Variants in KANK1 observed in about 807,000 individuals in gnomAD.
KANK1 encodes KN motif and ankyrin repeat domain-containing protein 1.
In KANK1, 109 loss-of-function variants were observed where a neutral mutation model predicts 106.2. The observed-to-expected ratio is 1.03, with a 90% confidence interval of 0.88 to 1.20. The LOEUF is 1.20. KANK1 is among the 50% of genes most tolerant of loss of function. KANK1 has a pLI of 0.00. For missense variants in KANK1, 2,399 were observed against 1,710.7 expected (o/e 1.40, Z -7.10); for synonymous variants, 873 against 652.2 (o/e 1.34, Z -5.16).
At chr9:644,147 C>A (rs1310008229) in intron 1 of KANK1, among the ~76,000 whole-genome samples, 1 of 150,962 alleles carries the variant, frequency 6.6e-6, no homozygotes, top group Non-Finnish European at 1.5e-5. Flanking sequence ...ATGCTAGTCG[C>A]CAGTCTTCTT....
chr9:523,555 C>CTTTTT (rs2059645471), intron 1 of KANK1, among the ~76,000 whole-genome samples: 1 of 151,740 alleles, frequency 6.6e-6, no homozygotes, highest in Non-Finnish European at 1.5e-5. Flanking sequence ...AAAGTTTTTA[C>CTTTTT]AGTGAACTCC....
At chr9:632,166 A>C (rs1835896181) in intron 1 of KANK1, among the ~76,000 whole-genome samples, 1 of 152,220 alleles carries the variant, frequency 6.6e-6, no homozygotes, top group Admixed American at 6.5e-5. Flanking sequence ...AGTGGCAGTG[A>C]ACTTCTTTTG....
At chr9:536,792 C>T (rs1452641123) in intron 1 of KANK1, among the ~76,000 whole-genome samples, 1 of 152,096 alleles carries the variant, frequency 6.6e-6, no homozygotes, top group African/African-American at 2.4e-5. Context: ...AAGTTGGGCA[C>T]CTTTGGGGGG....
At position 745,382 on chromosome 9, in the gene KANK1, C is replaced by T. The variant is rs989151126; in HGVS notation, c.*147C>T. 2.0e-6 allele frequency: 2 copies of T among 985,552 alleles called. No individual in the cohort carries two copies. Among genetic ancestry groups the T allele is most frequent in the African/African-American group, 1.6e-5 (1 of 62,338 alleles). The allele number at this position is 985,552 out of a possible 1,614,324, so 61.1% of individuals were successfully genotyped here. A position where few individuals can be genotyped will look rare whatever the true frequency, so the allele number is the denominator to read the frequency against. Reference sequence around the variant, plus strand: ...GCCCAGGGGTAAAGGCTGAAGCTTTCACAGTGCAGAGACTGCTAGCCTGGG... The same window carrying T: ...GCCCAGGGGTAAAGGCTGAAGCTTTTACAGTGCAGAGACTGCTAGCCTGGG... On this transcript the variant is annotated 3_prime_UTR_variant, in exon 12 of 12. Transcript: ENST00000382297.
Position 702,307 on chromosome 9 carries a change from T to C in KANK1, c.38-8497T>C, listed in dbSNP as rs1334476549. Among the ~76,000 whole-genome samples, 5 of 152,186 alleles carry C rather than the reference T, an allele frequency of 3.3e-5. No individual in the cohort carries two copies. In the South Asian group the frequency reaches 1.0e-3, roughly 32 times the overall value. ...CCATCCACTTACCTTGAGACGCTGG[T>C]ATAAATTCTGGCAATGCCAGCTGTC... is the stretch of plus-strand genomic sequence containing the variant. On this transcript the variant is annotated intron_variant, in intron 2 of 11. Transcript: ENST00000382297.
At chr9:478,994 T>C (rs2058156391) in intron 3 of KANK1, among the ~76,000 whole-genome samples, 2 of 151,706 alleles carry the variant, frequency 1.3e-5, no homozygotes, top group African/African-American at 4.9e-5. Flanking sequence ...CTTGGCTCAC[T>C]GCAACCTTCG....
rs376287152 is a variant in KANK1, at chr9:734,708, C to T, written c.3246-40C>T. 7.9e-4 allele frequency: 1,100 copies of T among 1,389,590 alleles called. 4 individuals carry two copies. Among genetic ancestry groups the T allele is most frequent in the Non-Finnish European group, 9.8e-4 (964 of 981,736 alleles). The allele number at this position is 1,389,590 out of a possible 1,614,324, so 86.1% of individuals were successfully genotyped here. A position where few individuals can be genotyped will look rare whatever the true frequency, so the allele number is the denominator to read the frequency against. On this transcript the variant is annotated intron_variant, in intron 6 of 11. Transcript: ENST00000382297. Reference sequence around the variant, plus strand: ...TTTGGGTTGAAATAAAAATGATTTTCTTCTTGTGACCAATCGTAACTTGTT... The same window carrying T: ...TTTGGGTTGAAATAAAAATGATTTTTTTCTTGTGACCAATCGTAACTTGTT...
intron 1 of KANK1, among the ~76,000 whole-genome samples, chr9:636,880 C>G (rs113364162): frequency 1.4e-4 from 21 of 152,258 alleles, no homozygotes; most frequent in African/African-American, 3.9e-4. Flanking sequence ...AAAACATAAA[C>G]AAAACAGAAA....
At chr9:709,024 G>A (rs1825138268) in intron 2 of KANK1, among the ~76,000 whole-genome samples, 1 of 152,194 alleles carries the variant, frequency 6.6e-6, no homozygotes. Context: ...TATTTACTGA[G>A]TGCCACATGA....
intron 1 of KANK1, among the ~76,000 whole-genome samples, chr9:624,639 C>A (rs1330592117): frequency 6.6e-6 from 1 of 151,898 alleles, no homozygotes; most frequent in Non-Finnish European, 1.5e-5. Flanking sequence ...CCCATCTCTA[C>A]TAAAAATACA....
rs1280347922 is a variant in KANK1, at chr9:711,501, C to G, written c.735C>G (p.Ser245Arg). Residue 245 changes from serine to arginine, a missense_variant, in exon 3 of 12, where the codon AGC becomes AGG. Ser to Arg is a moderately radical substitution (Grantham distance 110, BLOSUM62 -1). Coordinates refer to ENST00000382297, the MANE Select transcript of KANK1 (RefSeq NM_015158.5). ...MGSSIRHSPL[S>R]SGISTPVTNV... ...GCTCCATCCGCCACAGCCCCCTGAGCTCAGGGATCTCCACCCCAGTGACCA... is the reference window on the plus strand; with the variant it reads ...GCTCCATCCGCCACAGCCCCCTGAGGTCAGGGATCTCCACCCCAGTGACCA... 3 of 1,614,152 alleles carry G rather than the reference C, an allele frequency of 1.9e-6. No homozygotes were observed. Among genetic ancestry groups the G allele is most frequent in the Admixed American group, 3.3e-5 (2 of 60,020 alleles).
At chr9:650,520 C>G (rs1297873191) in intron 1 of KANK1, among the ~76,000 whole-genome samples, 2 of 152,128 alleles carry the variant, frequency 1.3e-5, no homozygotes, top group African/African-American at 2.4e-5. Flanking sequence ...GTAGAGCATG[C>G]TGGTGCTGCT....
At chr9:582,599 C>T (rs1365957579) in intron 1 of KANK1, among the ~76,000 whole-genome samples, 1 of 152,092 alleles carries the variant, frequency 6.6e-6, no homozygotes, top group Admixed American at 6.5e-5. Context: ...CTGCCTTGCC[C>T]ATAGCACAAC....
chr9:603,805 C>T (rs764683247), intron 1 of KANK1, among the ~76,000 whole-genome samples: 1 of 151,186 alleles, frequency 6.6e-6, no homozygotes, highest in East Asian at 1.9e-4. Flanking sequence ...ACTAAAAATA[C>T]AAAAATTAGC....
At chr9:631,819 C>T (rs1356865857) in intron 1 of KANK1, among the ~76,000 whole-genome samples, 1 of 152,226 alleles carries the variant, frequency 6.6e-6, no homozygotes, top group Non-Finnish European at 1.5e-5. Flanking sequence ...TACTTCCTCC[C>T]CTTTGGGGCC....
At chr9:603,256 G>A (rs943358831) in intron 1 of KANK1, among the ~76,000 whole-genome samples, 1 of 151,824 alleles carries the variant, frequency 6.6e-6, no homozygotes, top group Admixed American at 6.6e-5. Flanking sequence ...TCAGAGTGTG[G>A]CACAAATCTC....
chr9:614,677 C>T (rs1265817070), intron 1 of KANK1, among the ~76,000 whole-genome samples: 3 of 152,294 alleles, frequency 2.0e-5, no homozygotes, highest in East Asian at 1.9e-4. Context: ...CCATGCATTT[C>T]CGTGTGCCTC....
intron 1 of KANK1, chr9:660,121 TAC>T (rs1402895171): frequency 1.2e-5 from 5 of 430,728 alleles, no homozygotes; most frequent in Non-Finnish European, 2.3e-5. Flanking sequence ...AGACCCTTAC[TAC>T]TGTCCAAGGG....
At chr9:687,095 T>G (rs1262365443) in intron 2 of KANK1, among the ~76,000 whole-genome samples, 1 of 152,132 alleles carries the variant, frequency 6.6e-6, no homozygotes, top group Non-Finnish European at 1.5e-5. Context: ...CTGGAAGGAA[T>G]GTTATGAAAC....
Sources: gnomAD v4.1 joint callset for allele counts (sites outside exome capture counted in the v4.1 genomes callset) on GRCh38, gnomAD v4.1.1 for gene constraint, MANE v1.5 for transcripts, NCBI Gene and HGNC (gene_info 2026-07-23, HGNC 2026-07-21) for gene names.